The following WDR82 variants were observed in gnomAD, a reference collection of about 807,000 sequenced individuals.
The protein encoded by WDR82 is WD repeat domain 82, also known as WD repeat-containing protein 82.
In WDR82, 8 loss-of-function variants were observed where a neutral mutation model predicts 36.1. The ratio of observed to expected loss-of-function variants is 0.22; its 90% confidence interval spans 0.13 to 0.40. The LOEUF (loss-of-function observed/expected upper bound fraction) is 0.40. Ranked by LOEUF, WDR82 falls within the 10% of genes least tolerant of loss-of-function variation. WDR82 has a pLI of 1.00. For missense variants in WDR82, 185 were observed against 400.5 expected (o/e 0.46, Z 4.59); for synonymous variants, 129 against 137.8 (o/e 0.94, Z 0.45).
intron 7 of WDR82, among the ~76,000 whole-genome samples, chr3:52,258,962 GA>G (rs1700036284): frequency 6.6e-6 from 1 of 152,194 alleles, no homozygotes; most frequent in South Asian, 2.1e-4. Context: ...TAAGATGACT[GA>G]ATGTAGGGTT....
At chr3:52,260,815 A>G (rs1700054717) in intron 4 of WDR82, among the ~76,000 whole-genome samples, 1 of 152,252 alleles carries the variant, frequency 6.6e-6, no homozygotes, top group African/African-American at 2.4e-5. Flanking sequence ...CCTTGAAGCT[A>G]AAAGCTCTAG....
chr3:52,271,442 T>C (rs1314431033), intron 1 of WDR82, among the ~76,000 whole-genome samples: 1 of 152,152 alleles, frequency 6.6e-6, no homozygotes, highest in Non-Finnish European at 1.5e-5. Context: ...ATGATCCCCA[T>C]CTAAGTGATG....
chr3:52,260,487 C>A lies in WDR82; in HGVS notation c.441G>T (p.Leu147=). Reference sequence around the variant, plus strand: ...CAAAAGAACAAACTGGCTTCCCCTGCAGATGCATGAGGCCCTAAGAGAAAA... The same window carrying A: ...CAAAAGAACAAACTGGCTTCCCCTGAAGATGCATGAGGCCCTAAGAGAAAA... The part of the protein sequence containing the change: ...RSPNCQGLMH[L]QGKPVCSFDP... Residue 147 remains leucine (L), a synonymous_variant, in exon 5 of 9, where the codon CTG becomes CTT. Coordinates refer to ENST00000296490, the MANE Select transcript of WDR82 (RefSeq NM_025222.4). 6.3e-7 allele frequency: 1 copy of A among 1,583,366 alleles called. No homozygotes were observed. Among genetic ancestry groups the A allele is most frequent in the East Asian group, 2.3e-5 (1 of 42,890 alleles).
At chr3:52,265,394 G>A (rs1247287845) in intron 3 of WDR82, among the ~76,000 whole-genome samples, 1 of 146,848 alleles carries the variant, frequency 6.8e-6, no homozygotes, top group Non-Finnish European at 1.5e-5. Context: ...TCAAACAACT[G>A]CATCAACTCT....
intron 3 of WDR82, among the ~76,000 whole-genome samples, chr3:52,261,901 T>C (rs1448746112): frequency 6.6e-6 from 1 of 152,200 alleles, no homozygotes; most frequent in Non-Finnish European, 1.5e-5. Context: ...ACTCCACTCC[T>C]AGGTATTTAC....
intron 3 of WDR82, among the ~76,000 whole-genome samples, chr3:52,265,254 T>C (rs1457038179): frequency 1.6e-5 from 2 of 122,732 alleles, no homozygotes; most frequent in Non-Finnish European, 3.1e-5. Flanking sequence ...GAGCCAACAT[T>C]GCACCACTGC....
chr3:52,261,041 C>T (rs978868345), intron 4 of WDR82, among the ~76,000 whole-genome samples: 6 of 152,206 alleles, frequency 3.9e-5, no homozygotes, highest in African/African-American at 1.4e-4. Context: ...AGAAGAATCG[C>T]TTGAACCCTG....
chr3:52,278,349 C>T lies in WDR82; in HGVS notation c.13G>A (p.Asp5Asn). Residue 5 changes from aspartate (D) to asparagine (N), a missense_variant, in exon 1 of 9, where the codon GAC becomes AAC. Physicochemically the swap from Asp to Asn is conservative, Grantham distance 23 (BLOSUM62 1). This residue lies in a region of WDR82 where 49 missense variants were observed against 80.6 expected (regional missense o/e 0.61). Transcript: ENST00000296490. The part of the protein sequence containing the change: MKLT[D>N]SVLRSFRVAK... ...ACGCGGAAGCTCCGCAACACGCTGT[C>T]GGTCAGCTTCATGGCGGCGGCTGGG... is the stretch of plus-strand genomic sequence containing the variant. 1 of 1,577,000 alleles carries T rather than the reference C, an allele frequency of 6.3e-7. No individual in the cohort carries two copies. The highest frequency in any genetic ancestry group is 8.6e-7 in the Non-Finnish European group (1 of 1,164,450).
In WDR82 at chr3:52,257,005, GA is replaced by G. The variant is rs1428175736; in HGVS notation, c.*484del. On this transcript the variant is annotated 3_prime_UTR_variant, in exon 9 of 9. Coordinates refer to ENST00000296490, the MANE Select transcript of WDR82 (RefSeq NM_025222.4). Reference sequence around the variant, plus strand: ...GCACCTAAGAAACATGATGGTTGTGGATAATGCCACAAGTACACAGGGAGAC... The same window carrying G: ...GCACCTAAGAAACATGATGGTTGTGGTAATGCCACAAGTACACAGGGAGAC... 1.3e-4 allele frequency: 20 copies of G among 156,978 alleles called. No homozygotes were observed. The highest frequency in any genetic ancestry group is 8.5e-5 in the Non-Finnish European group (6 of 70,940). 9.7% of individuals were successfully genotyped at this position (156,978 alleles called of 1,614,324 possible).
At chr3:52,269,162 T>C (rs754128881) in intron 2 of WDR82, among the ~76,000 whole-genome samples, 5 of 152,094 alleles carry the variant, frequency 3.3e-5, no homozygotes, top group Non-Finnish European at 5.9e-5. Context: ...TCATCAATAA[T>C]CCACTGAAAT....
Position 52,270,745 on chromosome 3 carries a change from T to C in WDR82, c.226A>G (p.Asn76Asp). 6.2e-7 allele frequency: 1 copy of C among 1,613,434 alleles called. No individual in the cohort carries two copies. ...TTGTTAGAGCTGTAAACAACTGTGT[T>C]TGCTGCATGAGTGTATCTGATGAGG... ...VDLIRYTHAA[N>D]TVVYSSNKID... is the part of the protein sequence containing the mutation. Residue 76 changes from asparagine to aspartate, a missense_variant, in exon 2 of 9, where the codon AAC becomes GAC. Around this residue, in one of 3 missense-constraint regions of WDR82, gnomAD observed 26 missense variants for 107.4 expected, o/e 0.24. Transcript: ENST00000296490.
chr3:52,267,115 G>C, intron 2 of WDR82, 97 bp from the exon 3 acceptor site: 1 of 942,086 alleles, frequency 1.1e-6, no homozygotes, highest in Non-Finnish European at 1.6e-6. Flanking sequence ...ATAATCCATT[G>C]TATTCTATAT....
At chr3:52,278,008 C>T (rs1013490121) in intron 1 of WDR82, 193 bp downstream of exon 1, 1 of 449,194 alleles carries the variant, frequency 2.2e-6, no homozygotes, top group Non-Finnish European at 3.8e-6. Context: ...TTATGACTAT[C>T]GTTATCTTTT....
At chr3:52,261,573 T>A in intron 3 of WDR82, 94 bp from the exon 4 acceptor site, 1 of 938,670 alleles carries the variant, frequency 1.1e-6, no homozygotes, top group Non-Finnish European at 1.5e-6. Context: ...TACATATATA[T>A]ACCTGTTCTC....
chr3:52,256,940 C>G lies in WDR82; in HGVS notation c.*550G>C, dbSNP rs532917834. On this transcript the variant is annotated 3_prime_UTR_variant, in exon 9 of 9. Transcript: ENST00000296490. ...GGTCCTTCTGTATCTGTCCCTTTCT[C>G]TGACCCCAAGATATATGAAAATGTT... 1 of 153,408 alleles carries G rather than the reference C, an allele frequency of 6.5e-6. No homozygotes were observed. The highest frequency in any genetic ancestry group is 1.9e-4 in the East Asian group (1 of 5,208). 9.5% of individuals were successfully genotyped at this position (153,408 alleles called of 1,614,324 possible). A position where few individuals can be genotyped will look rare whatever the true frequency, so the allele number is the denominator to read the frequency against.
intron 2 of WDR82, chr3:52,267,238 A>G: frequency 2.7e-6 from 1 of 374,938 alleles, no homozygotes; most frequent in Non-Finnish European, 4.9e-6. Flanking sequence ...CAGCATAGAA[A>G]GCAATGTTTG....
intron 3 of WDR82, 75 bp downstream of exon 3, chr3:52,266,875 GCT>G: frequency 7.9e-7 from 1 of 1,262,678 alleles, no homozygotes; most frequent in Non-Finnish European, 1.1e-6. Context: ...TCACTAATAA[GCT>G]CTCTCTAGCC....
intron 2 of WDR82, chr3:52,267,999 A>G (rs1700121104): frequency 9.4e-6 from 2 of 213,174 alleles, no homozygotes; most frequent in Admixed American, 1.0e-4. Flanking sequence ...CCAGGGGTTC[A>G]CAGGGGTGCT....
At chr3:52,272,309 C>G (rs1032180012) in intron 1 of WDR82, among the ~76,000 whole-genome samples, 1 of 151,874 alleles carries the variant, frequency 6.6e-6, no homozygotes, top group Non-Finnish European at 1.5e-5. Context: ...TTTGGGAGGC[C>G]GAGGAGGGTG....
Sources: gnomAD v4.1 joint callset for allele counts (sites outside exome capture counted in the v4.1 genomes callset) on GRCh38, gnomAD v4.1.1 for gene constraint, gnomAD v4.1.1 regional missense constraint, MANE v1.5 for transcripts, NCBI Gene and HGNC (gene_info 2026-07-23, HGNC 2026-07-21) for gene names.